The following PPP1R14C variants were observed in gnomAD, a reference collection of about 807,000 sequenced individuals.
PPP1R14C encodes protein phosphatase 1 regulatory subunit 14C.
PPP1R14C carries 16 observed loss-of-function variants against 20.4 expected under a neutral mutation model. The observed-to-expected ratio is 0.78, with a 90% CI of 0.53 to 1.19. PPP1R14C has a LOEUF of 1.19. PPP1R14C is among the 50% of genes most tolerant of loss of function. The pLI, the probability that PPP1R14C is intolerant of heterozygous loss-of-function variation, is 0.00. For synonymous variants in PPP1R14C, 91 were observed against 91.0 expected (o/e 1.00, Z 0.00); for missense variants, 211 against 220.1 (o/e 0.96, Z 0.26).
At chr6:150,166,950 G>A (rs905393122) in intron 1 of PPP1R14C, among the ~76,000 whole-genome samples, 1 of 152,176 alleles carries the variant, frequency 6.6e-6, no homozygotes, top group African/African-American at 2.4e-5. Flanking sequence ...GCAGAAAGAG[G>A]CCAGGCGCGG....
In PPP1R14C at chr6:150,214,603, CT is replaced by C. The variant is rs1209956939; in HGVS notation, c.307-140del. On this transcript the variant is annotated intron_variant, in intron 1 of 3. Coordinates refer to ENST00000361131, the MANE Select transcript of PPP1R14C (RefSeq NM_030949.3). ...CTCTCTTTCCTTCCCTCCTCTCCCC[CT>C]AGCCTCTCCTTCCCCCTGCTTATCT... The C allele has an allele frequency of 3.9e-5, 24 of 617,738 alleles. No homozygotes were observed. The Admixed American group carries it at 5.5e-4, about 14-fold the overall frequency. 38.3% of individuals were successfully genotyped at this position (617,738 alleles called of 1,614,324 possible).
At chr6:150,186,344 G>A (rs987712225) in intron 1 of PPP1R14C, among the ~76,000 whole-genome samples, 39 of 152,092 alleles carry the variant, frequency 2.6e-4, no homozygotes, top group African/African-American at 7.7e-4. Flanking sequence ...AATGCCCTGC[G>A]TAATTTAGAG....
At chr6:150,235,627 G>A (rs997542484) in intron 3 of PPP1R14C, among the ~76,000 whole-genome samples, 1 of 152,192 alleles carries the variant, frequency 6.6e-6, no homozygotes, top group African/African-American at 2.4e-5. Flanking sequence ...AGGGCTGCCT[G>A]GGTAGAATTT....
At chr6:150,161,968 C>T (rs532444892) in intron 1 of PPP1R14C, among the ~76,000 whole-genome samples, 3 of 152,282 alleles carry the variant, frequency 2.0e-5, no homozygotes, top group African/African-American at 7.2e-5. Context: ...ACGTATCCAC[C>T]CTTGCAGTAT....
At chr6:150,161,075 T>G (rs1037883011) in intron 1 of PPP1R14C, among the ~76,000 whole-genome samples, 2 of 151,232 alleles carry the variant, frequency 1.3e-5, no homozygotes, top group African/African-American at 2.4e-5. Context: ...AGGTCAGGAG[T>G]TCGAGATCAG....
rs1196704443 is a variant in PPP1R14C at position 150,187,245 on chromosome 6, C to CTG, written c.307-27498_307-27497insGT. ...TCTGCCCACCTTGGCCTTTCTCTTT[C>CTG]TCTGTGTGTGTGTGTGTGTGTGTGT... On this transcript the variant is annotated intron_variant, in intron 1 of 3. Coordinates refer to ENST00000361131, the MANE Select transcript of PPP1R14C (RefSeq NM_030949.3). 4.5e-3 allele frequency among the ~76,000 whole-genome samples: 503 copies of CTG among 110,930 alleles called. 6 individuals are homozygous for CTG. Among genetic ancestry groups the CTG allele is most frequent in the African/African-American group, 0.015 (467 of 31,286 alleles). The allele number at this position is 110,930 out of a possible 152,430, so 72.8% of individuals were successfully genotyped here.
chr6:150,171,331 A>AT (rs1295932869), intron 1 of PPP1R14C, among the ~76,000 whole-genome samples: 1 of 152,186 alleles, frequency 6.6e-6, no homozygotes, highest in African/African-American at 2.4e-5. Context: ...TCAGCACACC[A>AT]TTGTACATAC....
At chr6:150,173,336 C>CT (rs35007857) in intron 1 of PPP1R14C, among the ~76,000 whole-genome samples, 9 of 150,038 alleles carry the variant, frequency 6.0e-5, no homozygotes, top group African/African-American at 1.2e-4. Context: ...TATCCTTACC[C>CT]TTTTTTTTTT....
At chr6:150,173,532 A>G (rs967098870) in intron 1 of PPP1R14C, among the ~76,000 whole-genome samples, 1 of 152,148 alleles carries the variant, frequency 6.6e-6, no homozygotes, top group African/African-American at 2.4e-5. Flanking sequence ...TGAGCTCACT[A>G]CAGCCCTCCT....
chr6:150,167,048 T>A (rs958351901), intron 1 of PPP1R14C, among the ~76,000 whole-genome samples: 1 of 151,216 alleles, frequency 6.6e-6, no homozygotes, highest in South Asian at 2.1e-4. Context: ...CTGGCCAACA[T>A]GGTGAAACCT....
At chr6:150,204,714 G>A (rs1199511545) in intron 1 of PPP1R14C, among the ~76,000 whole-genome samples, 2 of 152,206 alleles carry the variant, frequency 1.3e-5, no homozygotes, top group Non-Finnish European at 2.9e-5. Context: ...CTCACGGGTT[G>A]TCAGAGGCAG....
chr6:150,145,407 A>C (rs549789310), intron 1 of PPP1R14C, among the ~76,000 whole-genome samples: 29 of 152,344 alleles, frequency 1.9e-4, no homozygotes, highest in African/African-American at 6.5e-4. Flanking sequence ...TTAACGTGGC[A>C]AGTATTTTTC....
chr6:150,166,723 G>A (rs1258343961), intron 1 of PPP1R14C, among the ~76,000 whole-genome samples: 1 of 152,226 alleles, frequency 6.6e-6, no homozygotes, highest in East Asian at 1.9e-4. Flanking sequence ...GGAGGAGGAA[G>A]CAGATTGCTA....
rs117862238 is a variant in PPP1R14C at position 150,150,642 on chromosome 6, C to T, written c.306+7144C>T. On this transcript the variant is annotated intron_variant, in intron 1 of 3. Transcript: ENST00000361131. ...CATGGTTTACTTTGTAGTGCATGCT[C>T]TTGCTCTTGTTTCCTGCACTGGGCT... 8.7e-4 allele frequency among the ~76,000 whole-genome samples: 133 copies of T among 152,266 alleles called. 3 individuals carry two copies. In the East Asian group the frequency reaches 0.02, roughly 23 times the overall value.
At chr6:150,217,303 C>T (rs1778106683) in intron 3 of PPP1R14C, among the ~76,000 whole-genome samples, 1 of 149,780 alleles carries the variant, frequency 6.7e-6, no homozygotes, top group Non-Finnish European at 1.5e-5. Context: ...TCAACCAATT[C>T]TCCCGCCTCA....
intron 1 of PPP1R14C, among the ~76,000 whole-genome samples, chr6:150,199,701 C>A (rs543650238): frequency 2.0e-5 from 3 of 152,044 alleles, no homozygotes; most frequent in Non-Finnish European, 4.4e-5. Context: ...GAGATGCCAT[C>A]TCTGCAAAAT....
rs1000638388 is a variant in PPP1R14C at position 150,160,264 on chromosome 6, T to A, written c.306+16766T>A. Among the ~76,000 whole-genome samples, 121 of 62,404 alleles carry A rather than the reference T, an allele frequency of 1.9e-3. 1 individual carries two copies. The highest frequency in any genetic ancestry group is 5.5e-3 in the African/African-American group (111 of 20,124). 40.9% of individuals were successfully genotyped at this position (62,404 alleles called of 152,430 possible). A position where few individuals can be genotyped will look rare whatever the true frequency, so the allele number is the denominator to read the frequency against. The stretch of plus-strand genomic sequence containing the variant: ...ACTATGTGTAGCTCATTCTTTTTTT[T>A]TTTTTTTTTTTTTTTTTTGAGACGG... On this transcript the variant is annotated intron_variant, in intron 1 of 3. Transcript: ENST00000361131.
chr6:150,199,601 T>C (rs965396826), intron 1 of PPP1R14C, among the ~76,000 whole-genome samples: 4 of 152,208 alleles, frequency 2.6e-5, no homozygotes, highest in African/African-American at 9.6e-5. Flanking sequence ...TCAGGCATGG[T>C]GTCTCACACC....
chr6:150,230,852 C>A (rs760016386), intron 3 of PPP1R14C, among the ~76,000 whole-genome samples: 1 of 151,308 alleles, frequency 6.6e-6, no homozygotes, highest in Non-Finnish European at 1.5e-5. Context: ...GTAGTTTCCC[C>A]TTTTCCTACT....
Sources: gnomAD v4.1 joint callset for allele counts (sites outside exome capture counted in the v4.1 genomes callset) on GRCh38, gnomAD v4.1.1 for gene constraint, MANE v1.5 for transcripts, NCBI Gene and HGNC (gene_info 2026-07-23, HGNC 2026-07-21) for gene names.